The following DBF4B variants were observed in gnomAD, a reference collection of about 807,000 sequenced individuals.
DBF4B encodes protein DBF4 homolog B.
A neutral mutation model predicts 53.4 loss-of-function variants in DBF4B; 49 were observed. The ratio of observed to expected loss-of-function variants is 0.92; its 90% CI spans 0.73 to 1.16. DBF4B has a LOEUF of 1.16. Ranked by LOEUF, DBF4B falls within the 50% of genes most tolerant of loss-of-function variation. The pLI is 0.00. For missense variants in DBF4B, 692 were observed against 775.0 expected (o/e 0.89, Z 1.27); for synonymous variants, 257 against 288.7 (o/e 0.89, Z 1.11).
chr17:44,724,590 A>G (rs1974130146), intron 3 of DBF4B, among the ~76,000 whole-genome samples: 2 of 152,122 alleles, frequency 1.3e-5, no homozygotes, highest in Admixed American at 1.3e-4. Context: ...CGTGTTAGCC[A>G]GGATGGTCTT....
At chr17:44,727,864 A>ATTTTTTTTTTTTTTTTTTTTTTTTTTTTT in intron 3 of DBF4B, among the ~76,000 whole-genome samples, 1 of 106,742 alleles carries the variant, frequency 9.4e-6, no homozygotes, top group Non-Finnish European at 1.9e-5. Context: ...TGCCCGGGTA[A>ATTTTTTTTTTTTTTTTTTTTTTTTTTTTT]TTTTTTTTTT....
intron 3 of DBF4B, among the ~76,000 whole-genome samples, chr17:44,728,486 C>T (rs751261355): frequency 6.6e-6 from 1 of 152,098 alleles, no homozygotes; most frequent in African/African-American, 2.4e-5. Flanking sequence ...ATTGATTGCC[C>T]TACTCCTACC....
At chr17:44,713,447 G>C (rs904030053) in intron 2 of DBF4B, among the ~76,000 whole-genome samples, 2 of 151,878 alleles carry the variant, frequency 1.3e-5, no homozygotes, top group Non-Finnish European at 2.9e-5. Flanking sequence ...GAGGTTAGGA[G>C]TTTGAGACCA....
At chr17:44,736,024 C>T (rs1358103909) in intron 7 of DBF4B, among the ~76,000 whole-genome samples, 1 of 152,068 alleles carries the variant, frequency 6.6e-6, no homozygotes, top group Non-Finnish European at 1.5e-5. Flanking sequence ...CTCTGTCGCC[C>T]AGGCTGGAGT....
At chr17:44,729,243 C>T (rs906603398) in intron 3 of DBF4B, among the ~76,000 whole-genome samples, 1 of 151,072 alleles carries the variant, frequency 6.6e-6, no homozygotes, top group African/African-American at 2.4e-5. Context: ...ATTTCACTCC[C>T]CAAGCTGGAG....
intron 3 of DBF4B, among the ~76,000 whole-genome samples, chr17:44,726,527 G>T (rs1974362406): frequency 6.6e-6 from 1 of 151,670 alleles, no homozygotes. Flanking sequence ...CTCCCAAAAT[G>T]TTAGGATTAC....
At chr17:44,722,309 T>C (rs1352144914) in intron 2 of DBF4B, among the ~76,000 whole-genome samples, 1 of 152,198 alleles carries the variant, frequency 6.6e-6, no homozygotes, top group Non-Finnish European at 1.5e-5. Flanking sequence ...AGTTACCAAA[T>C]GCAGAGGTTG....
chr17:44,731,065 G>A, intron 5 of DBF4B, 50 bp downstream of exon 5: 3 of 1,607,696 alleles, frequency 1.9e-6, no homozygotes, highest in South Asian at 2.2e-5. Context: ...GCATAGGGAG[G>A]GATTTCACTC....
In DBF4B at chr17:44,723,102, G is replaced by A. The variant is rs2144852952; in HGVS notation, c.225+80G>A. ...GGAGTTGGATGGGGATTATATCTATGGTTTCCAAGTATTTTCTTTTTTGAG... is the reference window on the plus strand; with the variant it reads ...GGAGTTGGATGGGGATTATATCTATAGTTTCCAAGTATTTTCTTTTTTGAG... On this transcript the variant is annotated intron_variant, in intron 3 of 13. Transcript: ENST00000315005. The A allele has an allele frequency of 2.6e-6, 4 of 1,545,890 alleles. No individual in the cohort carries two copies. The East Asian group carries it at 9.0e-5, about 35-fold the overall frequency.
chr17:44,729,720 ACACACACC>A (rs1482322473), intron 3 of DBF4B, among the ~76,000 whole-genome samples, 177 bp from the exon 4 acceptor site: 28 of 139,390 alleles, frequency 2.0e-4, no homozygotes, highest in African/African-American at 6.0e-4. Flanking sequence ...ACACACACAC[ACACACACC>A]CCATTAGATT....
intron 10 of DBF4B, 87 bp downstream of exon 10, chr17:44,741,539 G>T: frequency 1.1e-6 from 1 of 884,322 alleles, no homozygotes; most frequent in Non-Finnish European, 1.8e-6. Context: ...ATTTGGGAAT[G>T]GCCATGTGTT....
rs868843143 is a variant in DBF4B at position 44,749,987 on chromosome 17, T to C, written c.1190-608T>C. The C allele has an allele frequency of 8.6e-5, 87 of 1,006,460 alleles. No homozygotes were observed. The highest frequency in any genetic ancestry group is 5.1e-4 in the Middle Eastern group (1 of 1,962). 62.3% of individuals were successfully genotyped at this position (1,006,460 alleles called of 1,614,324 possible). On this transcript the variant is annotated intron_variant, in intron 13 of 13. Transcript: ENST00000315005. The surrounding 1 kb of genome is among the most constrained non-coding windows in gnomAD (Gnocchi z 4.4). ...AGAGCTCCCTCCCCCAGGCACTTAG[T>C]TGGGGCCCAGCACTGACCTTTCCCC... is the stretch of plus-strand genomic sequence containing the variant.
rs919609084 is a variant in DBF4B at position 44,723,119 on chromosome 17, T to G, written c.225+97T>G. The G allele has an allele frequency of 6.4e-5, 95 of 1,491,042 alleles. No homozygotes were observed. In the East Asian group the frequency reaches 2.2e-3, roughly 34 times the overall value. 92.4% of individuals were successfully genotyped at this position (1,491,042 alleles called of 1,614,324 possible). ...ATATCTATGGTTTCCAAGTATTTTC[T>G]TTTTTGAGACAGAGTCTTGCTCTAT... On this transcript the variant is annotated intron_variant, in intron 3 of 13. Coordinates refer to ENST00000315005, the MANE Select transcript of DBF4B (RefSeq NM_145663.3).
chr17:44,715,812 C>CT (rs869200833), intron 2 of DBF4B, among the ~76,000 whole-genome samples: 783 of 55,520 alleles, frequency 0.014, 143 homozygotes, highest in Non-Finnish European at 0.021. Context: ...TTCTTTCTTT[C>CT]TTTTTTTTTT....
chr17:44,726,414 C>G (rs2144893145), intron 3 of DBF4B, among the ~76,000 whole-genome samples: 1 of 151,020 alleles, frequency 6.6e-6, no homozygotes, highest in East Asian at 1.9e-4. Context: ...TTTTTTCTAG[C>G]TATGATCATG....
At position 44,749,232 on chromosome 17, in the gene DBF4B, G is replaced by A. The variant is rs1378538326; in HGVS notation, c.1189+767G>A. ...TCTGGGCCCCCCAGCCTCTCCAGGT[G>A]CCCTGTCTCCCTGTCTCCCAGCCCT... is the stretch of plus-strand genomic sequence containing the variant. On this transcript the variant is annotated intron_variant, in intron 13 of 13. Coordinates refer to ENST00000315005, the MANE Select transcript of DBF4B (RefSeq NM_145663.3). The surrounding 1 kb of genome is among the most constrained non-coding windows in gnomAD (Gnocchi z 4.4). The A allele has an allele frequency of 7.7e-7, 1 of 1,290,488 alleles. No homozygotes were observed. Among genetic ancestry groups the A allele is most frequent in the African/African-American group, 1.5e-5 (1 of 65,976 alleles). 79.9% of individuals were successfully genotyped at this position (1,290,488 alleles called of 1,614,324 possible).
intron 7 of DBF4B, among the ~76,000 whole-genome samples, chr17:44,735,558 T>C (rs1975319649): frequency 6.6e-6 from 1 of 151,970 alleles, no homozygotes; most frequent in East Asian, 1.9e-4. Flanking sequence ...TAATCCCAGC[T>C]ACTTGGGAGG....
In DBF4B at chr17:44,751,338, G is replaced by A. The variant is rs1430808020; in HGVS notation, c.*85G>A. ...TGAGGTCCCGCAGTGGCTCCTTGGC[G>A]TGAGCACTGCTCAGACTCCTTTCCA... On this transcript the variant is annotated 3_prime_UTR_variant, in exon 14 of 14. Coordinates refer to ENST00000315005, the MANE Select transcript of DBF4B (RefSeq NM_145663.3). 8 of 1,507,864 alleles carry A rather than the reference G, an allele frequency of 5.3e-6. No homozygotes were observed. Among genetic ancestry groups the A allele is most frequent in the South Asian group, 3.9e-5 (3 of 76,162 alleles). The allele number at this position is 1,507,864 out of a possible 1,614,324, so 93.4% of individuals were successfully genotyped here. A position where few individuals can be genotyped will look rare whatever the true frequency, so the allele number is the denominator to read the frequency against.
chr17:44,722,810 A>G, intron 2 of DBF4B, 70 bp from the exon 3 acceptor site: 1 of 1,567,972 alleles, frequency 6.4e-7, no homozygotes, highest in African/African-American at 1.4e-5. Flanking sequence ...CTGAGCTGTC[A>G]GTGAGGGCCA....
Sources: allele counts gnomAD v4.1 joint callset (sites outside exome capture counted in the v4.1 genomes callset), GRCh38; gene constraint gnomAD v4.1.1; non-coding constraint Gnocchi (gnomAD v3.1); transcripts MANE v1.5; gene names NCBI Gene and HGNC (gene_info 2026-07-23, HGNC 2026-07-21).